ARHGAP31: variants seen among roughly 807,000 people sequenced by gnomAD.
ARHGAP31 encodes the protein rho GTPase-activating protein 31.
ARHGAP31 carries 34 observed loss-of-function variants against 113.9 expected under a neutral mutation model. That is an observed-to-expected ratio of 0.30 (90% CI 0.23 to 0.40). The LOEUF (loss-of-function observed/expected upper bound fraction) is 0.40, where lower values mean the gene tolerates loss of function less well. Among genes scored for constraint, ARHGAP31 ranks in the 10% least tolerant of loss-of-function variants. The pLI, the probability that ARHGAP31 is intolerant of heterozygous loss-of-function variation, is 1.00. For synonymous variants in ARHGAP31, 650 were observed against 684.8 expected, an observed-to-expected ratio of 0.95 and a Z score of 0.79; for missense variants, 1,548 against 1,767.1, an observed-to-expected ratio of 0.88 and a Z score of 2.22.
intron 1 of ARHGAP31, among the ~76,000 whole-genome samples, chr3:119,345,720 A>G (rs2080050519): frequency 6.6e-6 from 1 of 152,158 alleles, no homozygotes; most frequent in Non-Finnish European, 1.5e-5. Context: ...GCAGAGCTTG[A>G]ATAATGGAGC....
In ARHGAP31 at chr3:119,294,536, G is replaced by A. The variant is rs548441120; in HGVS notation, c.-369G>A. On this transcript the variant is annotated 5_prime_UTR_variant, in exon 1 of 12. Transcript: ENST00000264245. ...GTCCGCGTCGTCTCCGGGGCACTTA[G>A]TAAGGGGTGGGGAGAGCTTGCCCTC... The A allele has an allele frequency of 3.2e-4, 147 of 461,804 alleles. 2 individuals are homozygous for A. The East Asian group carries it at 4.7e-3, about 15-fold the overall frequency. The allele number at this position is 461,804 out of a possible 1,614,324, so 28.6% of individuals were successfully genotyped here. A position where few individuals can be genotyped will look rare whatever the true frequency, so the allele number is the denominator to read the frequency against.
At chr3:119,344,897 C>T (rs752580699) in intron 1 of ARHGAP31, among the ~76,000 whole-genome samples, 5 of 151,884 alleles carry the variant, frequency 3.3e-5, no homozygotes, top group South Asian at 4.2e-4. Context: ...TTTTTTTACC[C>T]GAATTGAGAT....
Position 119,307,940 on chromosome 3 carries a change from C to CAAAAAAAAAAAAAA in ARHGAP31, c.100+12943_100+12956dup, listed in dbSNP as rs71156742. Among the ~76,000 whole-genome samples, 67 of 45,462 alleles carry CAAAAAAAAAAAAAA rather than the reference C, an allele frequency of 1.5e-3. 6 individuals carry two copies. Among genetic ancestry groups the CAAAAAAAAAAAAAA allele is most frequent in the Admixed American group, 2.8e-3 (6 of 2,170 alleles). The allele number at this position is 45,462 out of a possible 152,430, so 29.8% of individuals were successfully genotyped here. On this transcript the variant is annotated intron_variant, in intron 1 of 11. Coordinates refer to ENST00000264245, the MANE Select transcript of ARHGAP31 (RefSeq NM_020754.4). ...AGTGAATCCAAGTATGAATTAACAGCAAAAAAAAAAAAAAAAAAAAGCTCA... is the reference window on the plus strand; with the variant it reads ...AGTGAATCCAAGTATGAATTAACAGCAAAAAAAAAAAAAAAAAAAAAAAAAAAAAAAAAAGCTCA...
At chr3:119,362,555 A>G (rs2080217802) in intron 1 of ARHGAP31, among the ~76,000 whole-genome samples, 1 of 152,136 alleles carries the variant, frequency 6.6e-6, no homozygotes, top group Admixed American at 6.5e-5. Flanking sequence ...ATCACCGGAG[A>G]TCAGGAGTTC....
At chr3:119,319,022 A>T (rs543993845) in intron 1 of ARHGAP31, among the ~76,000 whole-genome samples, 20 of 152,214 alleles carry the variant, frequency 1.3e-4, no homozygotes, top group South Asian at 4.2e-4. Flanking sequence ...CTTGGGACTC[A>T]TTGTTAAAAA....
At chr3:119,401,175 A>AC (rs2080602995) in intron 9 of ARHGAP31, among the ~76,000 whole-genome samples, 1 of 151,774 alleles carries the variant, frequency 6.6e-6, no homozygotes, top group African/African-American at 2.4e-5. Flanking sequence ...CATCTCAAAA[A>AC]AAAAAAAAAA....
intron 1 of ARHGAP31, among the ~76,000 whole-genome samples, chr3:119,330,671 C>T (rs1321180949): frequency 6.6e-6 from 1 of 152,182 alleles, no homozygotes; most frequent in Non-Finnish European, 1.5e-5. Context: ...AACAGTGAAG[C>T]AAATGGAGAT....
At chr3:119,296,075 C>G (rs1212910067) in intron 1 of ARHGAP31, among the ~76,000 whole-genome samples, 2 of 152,224 alleles carry the variant, frequency 1.3e-5, no homozygotes, top group Non-Finnish European at 2.9e-5. Context: ...CGGAATAATT[C>G]TGCCTCCAGG....
chr3:119,375,782 T>C (rs1290717917), intron 3 of ARHGAP31, among the ~76,000 whole-genome samples: 1 of 152,230 alleles, frequency 6.6e-6, no homozygotes, highest in Non-Finnish European at 1.5e-5. Flanking sequence ...TTTCTTTTTT[T>C]AATTAAACTT....
chr3:119,326,230 G>T (rs2079842862), intron 1 of ARHGAP31, among the ~76,000 whole-genome samples: 1 of 152,154 alleles, frequency 6.6e-6, no homozygotes, highest in African/African-American at 2.4e-5. Context: ...AAGATTCCCA[G>T]GGTTTTAGAG....
At chr3:119,297,710 A>G (rs948850850) in intron 1 of ARHGAP31, among the ~76,000 whole-genome samples, 1 of 152,178 alleles carries the variant, frequency 6.6e-6, no homozygotes, top group Non-Finnish European at 1.5e-5. Context: ...TGGAGAGACA[A>G]AGGCTGAAGA....
chr3:119,294,384 A>T lies in ARHGAP31; in HGVS notation c.-521A>T. Reference sequence around the variant, plus strand: ...GGATTTGTAAGACAGGAAAAAAAGGAAGGCGTGAGGGCGGGCAGCAGCGAC... The same window carrying T: ...GGATTTGTAAGACAGGAAAAAAAGGTAGGCGTGAGGGCGGGCAGCAGCGAC... On this transcript the variant is annotated 5_prime_UTR_variant, in exon 1 of 12. Transcript: ENST00000264245. The T allele has an allele frequency of 2.5e-6, 1 of 402,868 alleles. No individual in the cohort carries two copies. 25.0% of individuals were successfully genotyped at this position (402,868 alleles called of 1,614,324 possible).
At chr3:119,396,883 T>C (rs544140827) in intron 8 of ARHGAP31, among the ~76,000 whole-genome samples, 1 of 152,294 alleles carries the variant, frequency 6.6e-6, no homozygotes, top group African/African-American at 2.4e-5. Context: ...TTTAGAGCCT[T>C]CCAGATATGT....
At chr3:119,367,371 A>G (rs988596995) in intron 2 of ARHGAP31, among the ~76,000 whole-genome samples, 4 of 152,216 alleles carry the variant, frequency 2.6e-5, no homozygotes, top group African/African-American at 9.7e-5. Flanking sequence ...ATTTATAAGT[A>G]TTAATACATA....
chr3:119,341,005 G>C (rs2080003130), intron 1 of ARHGAP31, among the ~76,000 whole-genome samples: 1 of 152,128 alleles, frequency 6.6e-6, no homozygotes, highest in Admixed American at 6.5e-5. Flanking sequence ...TGTGTGCATG[G>C]GAAACATCAT....
chr3:119,343,806 G>C (rs2080031338), intron 1 of ARHGAP31, among the ~76,000 whole-genome samples: 1 of 152,234 alleles, frequency 6.6e-6, no homozygotes, highest in Non-Finnish European at 1.5e-5. Flanking sequence ...GAGGAGCTCA[G>C]GGACACTCCT....
intron 1 of ARHGAP31, among the ~76,000 whole-genome samples, chr3:119,337,341 G>C (rs375557841): frequency 6.6e-6 from 1 of 152,102 alleles, no homozygotes; most frequent in African/African-American, 2.4e-5. Flanking sequence ...GTCCAGAGTT[G>C]TTCTTTCCTC....
At chr3:119,328,532 TTCTTCTTCTGGACAGTATTTCAAAC>T (rs1416267514) in intron 1 of ARHGAP31, among the ~76,000 whole-genome samples, 6 of 152,228 alleles carry the variant, frequency 3.9e-5, no homozygotes, top group Non-Finnish European at 8.8e-5. Flanking sequence ...GGGAATTTCA[TTCTTCTTCTGGACAGTATTTCAAAC>T]TTTGAAGATA....
rs779075559 is a variant in ARHGAP31, at chr3:119,415,060, A to G, written c.3131A>G (p.Lys1044Arg). 4 of 1,614,088 alleles carry G rather than the reference A, an allele frequency of 2.5e-6. No individual in the cohort carries two copies. In the African/African-American group the frequency reaches 4.0e-5, roughly 16 times the overall value. ...AGCCCCATCAGCCTAGCAGAGGGAA[A>G]GGAGCTAGGGACACACCTGGGGCAC... ...ETSPISLAEG[K>R]ELGTHLGHSS... Residue 1044 changes from lysine (K) to arginine (R), a missense_variant, in exon 12 of 12, where the codon AAG (lysine) becomes AGG (arginine). Transcript: ENST00000264245.
Sources: gnomAD v4.1 joint callset for allele counts (sites outside exome capture counted in the v4.1 genomes callset) on GRCh38, gnomAD v4.1.1 for gene constraint, MANE v1.5 for transcripts, NCBI Gene and HGNC (gene_info 2026-07-23, HGNC 2026-07-21) for gene names.